The following ARHGAP39 variants were observed in gnomAD, a reference collection of about 807,000 sequenced individuals.
ARHGAP39 encodes rho GTPase-activating protein 39.
ARHGAP39 carries 44 observed loss-of-function variants against 106.9 expected under a neutral mutation model. The ratio of observed to expected loss-of-function variants is 0.41; its 90% confidence interval spans 0.32 to 0.53. The LOEUF (loss-of-function observed/expected upper bound fraction) is 0.53, where lower values mean the gene tolerates loss of function less well. Among genes scored for constraint, ARHGAP39 ranks in the 20% least tolerant of loss-of-function variants. The probability of loss-of-function intolerance (pLI) is 0.21; values close to 1 mark genes in which losing one functional copy is unlikely to be tolerated. For synonymous variants in ARHGAP39, 768 were observed against 693.2 expected (o/e 1.11, Z -1.69); for missense variants, 1,496 against 1,577.3 (o/e 0.95, Z 0.87).
chr8:144,608,210 T>G (rs1387349952), intron 1 of ARHGAP39, among the ~76,000 whole-genome samples: 3 of 138,090 alleles, frequency 2.2e-5, no homozygotes, highest in Non-Finnish European at 4.7e-5. Context: ...GAAACTCAAA[T>G]ATTTTTAATT....
rs540496692 is a variant in ARHGAP39 at position 144,530,019 on chromosome 8, G to A, written c.*403C>T. Reference sequence around the variant, plus strand: ...GAGCTGCAGGCCAGGACGAGGACAGGAGAAAGGGAAGGAGAGACCGGGGCG... The same window carrying A: ...GAGCTGCAGGCCAGGACGAGGACAGAAGAAAGGGAAGGAGAGACCGGGGCG... On this transcript the variant is annotated 3_prime_UTR_variant, in exon 12 of 12. Coordinates refer to ENST00000377307, the MANE Select transcript of ARHGAP39 (RefSeq NM_025251.3). 108 of 201,972 alleles carry A rather than the reference G, an allele frequency of 5.3e-4. No individual in the cohort carries two copies. The highest frequency in any genetic ancestry group is 1.5e-3 in the African/African-American group (62 of 42,202). The allele number at this position is 201,972 out of a possible 1,614,324, so 12.5% of individuals were successfully genotyped here. A position where few individuals can be genotyped will look rare whatever the true frequency, so the allele number is the denominator to read the frequency against.
chr8:144,565,569 G>A (rs140116140), intron 3 of ARHGAP39, among the ~76,000 whole-genome samples: 7,046 of 151,618 alleles, frequency 0.046, 271 homozygotes, highest in Non-Finnish European at 0.074. Flanking sequence ...GGTGTCTGTA[G>A]TCCCAGCCAC....
At chr8:144,611,627 T>C (rs1182562976) in intron 1 of ARHGAP39, among the ~76,000 whole-genome samples, 3 of 152,228 alleles carry the variant, frequency 2.0e-5, no homozygotes, top group African/African-American at 7.2e-5. Context: ...AATCAGTACA[T>C]TTGATATTAC....
At position 144,545,603 on chromosome 8, in the gene ARHGAP39, T is replaced by A. The variant is rs766728918; in HGVS notation, c.2167A>T (p.Ser723Cys). ...KVSIANMLAW[S>C]SESIKKPMIV... ...ATGGGCTTCTTGATGGACTCGCTGCTCCAGGCCAGCATGTTGGCGATGGAC... is the reference window on the plus strand; with the variant it reads ...ATGGGCTTCTTGATGGACTCGCTGCACCAGGCCAGCATGTTGGCGATGGAC... The change falls in exon 6 of 12, where the codon AGC becomes TGC. Residue 723 changes from serine to cysteine, a missense_variant. Ser to Cys is a moderately radical substitution (Grantham distance 112). Transcript: ENST00000377307. 2 of 1,613,590 alleles carry A rather than the reference T, an allele frequency of 1.2e-6. No homozygotes were observed. Among genetic ancestry groups the A allele is most frequent in the Non-Finnish European group, 1.7e-6 (2 of 1,180,012 alleles).
intron 3 of ARHGAP39, among the ~76,000 whole-genome samples, chr8:144,568,261 C>G (rs534989802): frequency 7.1e-4 from 88 of 124,180 alleles, no homozygotes; most frequent in African/African-American, 2.6e-3. Context: ...ATGAACCTGG[C>G]AGGTGGAGGA....
chr8:144,556,251 C>A (rs1174336115), intron 3 of ARHGAP39, among the ~76,000 whole-genome samples: 1 of 145,278 alleles, frequency 6.9e-6, no homozygotes, highest in African/African-American at 2.6e-5. Context: ...CGCCACTGCA[C>A]TCCAGCCTGG....
intron 1 of ARHGAP39, among the ~76,000 whole-genome samples, chr8:144,654,320 C>G (rs1415089308): frequency 6.6e-6 from 1 of 151,692 alleles, no homozygotes; most frequent in African/African-American, 2.4e-5. Flanking sequence ...GCCTGGGCAA[C>G]ATGGCGAAAC....
At chr8:144,621,981 C>A (rs1002879705) in intron 1 of ARHGAP39, among the ~76,000 whole-genome samples, 4 of 152,204 alleles carry the variant, frequency 2.6e-5, no homozygotes, top group Admixed American at 2.0e-4. Flanking sequence ...ACTCAGAATG[C>A]ACAATGTTAA....
chr8:144,565,866 A>G (rs1421359636), intron 3 of ARHGAP39, among the ~76,000 whole-genome samples: 1 of 147,666 alleles, frequency 6.8e-6, no homozygotes, highest in East Asian at 2.1e-4. Flanking sequence ...CTGAGGCGGG[A>G]GGATCGCTTG....
chr8:144,538,033 C>T (rs1817035048), intron 6 of ARHGAP39, among the ~76,000 whole-genome samples: 1 of 152,210 alleles, frequency 6.6e-6, no homozygotes, highest in African/African-American at 2.4e-5. Flanking sequence ...GCTGCCGTGC[C>T]TGTGCTGGCG....
intron 3 of ARHGAP39, among the ~76,000 whole-genome samples, chr8:144,561,371 G>T (rs1380548929): frequency 2.6e-5 from 4 of 151,506 alleles, no homozygotes; most frequent in African/African-American, 9.7e-5. Context: ...GGCCCCAGTG[G>T]TTTCCATCGG....
In ARHGAP39 at chr8:144,548,594, G is replaced by A. The variant is rs922764946; in HGVS notation, c.597-105C>T. The A allele has an allele frequency of 7.1e-7, 1 of 1,413,292 alleles. No individual in the cohort carries two copies. Among genetic ancestry groups the A allele is most frequent in the Non-Finnish European group, 9.4e-7 (1 of 1,067,952 alleles). The allele number at this position is 1,413,292 out of a possible 1,614,324, so 87.5% of individuals were successfully genotyped here. ...CAGCGGCTCCCGCGAACCCTCTGTT[G>A]TACACCTTCCTCGCTGGGGCCCTGT... On this transcript the variant is annotated intron_variant, in intron 4 of 11. Coordinates refer to ENST00000377307, the MANE Select transcript of ARHGAP39 (RefSeq NM_025251.3). The surrounding 1 kb of genome is among the most constrained non-coding windows in gnomAD (Gnocchi z 7.4).
At chr8:144,699,190 G>C in the ARHGAP39 span, 1 of 212,698 alleles carries the variant, frequency 4.7e-6, no homozygotes, top group African/African-American at 2.7e-5. Flanking sequence ...GCAGGGTGGT[G>C]TGGGAACTGA....
chr8:144,540,479 T>A (rs2130829194), intron 6 of ARHGAP39, among the ~76,000 whole-genome samples: 1 of 152,306 alleles, frequency 6.6e-6, no homozygotes, highest in East Asian at 1.9e-4. Context: ...TTTTAAAATA[T>A]CAGCTTCTAA....
chr8:144,531,133 G>T (rs1364143284), intron 10 of ARHGAP39, among the ~76,000 whole-genome samples: 11 of 152,266 alleles, frequency 7.2e-5, no homozygotes, highest in Admixed American at 7.2e-4. Flanking sequence ...GGAGTCGTCT[G>T]TGTAGCCACC....
rs987459876 is a variant in ARHGAP39, at chr8:144,581,012, G to T, written c.346C>A (p.Pro116Thr). ...GGGCTGCTCTCCGCCGAGGCGCGCG[G>T]GGACTCCGTGTTCTGCTTCAGCGTC... ...LQTLKQNTES[P>T]RASAESSPGR... Residue 116 changes from proline (P) to threonine (T), a missense_variant, in exon 3 of 12, where the codon CCG becomes ACG. By Grantham distance (38) the Pro-to-Thr change is conservative. Transcript: ENST00000377307. 8 of 1,589,260 alleles carry T rather than the reference G, an allele frequency of 5.0e-6. No individual in the cohort carries two copies. The highest frequency in any genetic ancestry group is 6.8e-6 in the Non-Finnish European group (8 of 1,168,400).
intron 1 of ARHGAP39, among the ~76,000 whole-genome samples, chr8:144,607,464 G>A (rs1044081725): frequency 1.3e-5 from 2 of 152,148 alleles, no homozygotes; most frequent in Admixed American, 6.5e-5. Context: ...GGCCTCACAT[G>A]TGCCGCTACA....
At chr8:144,666,857 C>T (rs181027604) in intron 1 of ARHGAP39, among the ~76,000 whole-genome samples, 2 of 152,098 alleles carry the variant, frequency 1.3e-5, no homozygotes, top group Admixed American at 6.5e-5. Flanking sequence ...GTGTTCAAAG[C>T]GACCCAAACA....
At chr8:144,620,074 G>C (rs1360099641) in intron 1 of ARHGAP39, among the ~76,000 whole-genome samples, 1 of 139,370 alleles carries the variant, frequency 7.2e-6, no homozygotes, top group African/African-American at 2.7e-5. Flanking sequence ...GTGTCTGTGT[G>C]TGCCCGAGTG....
Sources: allele counts gnomAD v4.1 joint callset (sites outside exome capture counted in the v4.1 genomes callset), GRCh38; gene constraint gnomAD v4.1.1; non-coding constraint Gnocchi (gnomAD v3.1); transcripts MANE v1.5; gene names NCBI Gene and HGNC (gene_info 2026-07-23, HGNC 2026-07-21).